Variants in SNX29 observed in about 807,000 individuals in gnomAD.
SNX29 encodes sorting nexin 29.
Under a neutral mutation model 102.1 loss-of-function variants are expected in SNX29, and 78 were observed. The ratio of observed to expected loss-of-function variants is 0.76; its 90% CI spans 0.64 to 0.92. The LOEUF (loss-of-function observed/expected upper bound fraction) is 0.92. Ranked by LOEUF, SNX29 falls within the 40% of genes least tolerant of loss-of-function variation. The pLI is 0.00. For synonymous variants in SNX29, 580 were observed against 414.5 expected, an observed-to-expected ratio of 1.40 and a Z score of -4.85; for missense variants, 1,280 against 1,061.7, an observed-to-expected ratio of 1.21 and a Z score of -2.86.
chr16:12,466,537 C>A (rs541296812), intron 18 of SNX29, among the ~76,000 whole-genome samples: 1 of 152,206 alleles, frequency 6.6e-6, no homozygotes, highest in African/African-American at 2.4e-5. Flanking sequence ...TGGCACCCCC[C>A]CTTCCAGAGT....
At chr16:12,360,174 G>C (rs942833794) in intron 16 of SNX29, among the ~76,000 whole-genome samples, 31 of 152,210 alleles carry the variant, frequency 2.0e-4, no homozygotes, top group Non-Finnish European at 2.9e-5. Context: ...TACCCAGTCA[G>C]TGTTCAATAT....
At chr16:12,294,589 T>A (rs975778587) in intron 15 of SNX29, among the ~76,000 whole-genome samples, 26 of 152,172 alleles carry the variant, frequency 1.7e-4, no homozygotes, top group African/African-American at 6.3e-4. Flanking sequence ...GCCATCATGG[T>A]TCCCTGTTAG....
intron 16 of SNX29, among the ~76,000 whole-genome samples, chr16:12,398,119 A>C (rs2083784411): frequency 6.6e-6 from 1 of 152,148 alleles, no homozygotes; most frequent in African/African-American, 2.4e-5. Context: ...TGCACATCTG[A>C]TAACTTGCAT....
chr16:12,267,826 A>G (rs2078973344), intron 14 of SNX29, among the ~76,000 whole-genome samples: 1 of 152,140 alleles, frequency 6.6e-6, no homozygotes, highest in Admixed American at 6.5e-5. Flanking sequence ...ACGTCCAATC[A>G]TCGCACTTCT....
At chr16:12,090,206 C>G (rs909799322) in intron 11 of SNX29, 5 of 152,704 alleles carry the variant, frequency 3.3e-5, no homozygotes, top group African/African-American at 9.6e-5. Flanking sequence ...GACATTCTCA[C>G]CGGCGTCTCA....
At chr16:12,554,192 C>G (rs895986418) in intron 20 of SNX29, among the ~76,000 whole-genome samples, 15 of 152,200 alleles carry the variant, frequency 9.9e-5, no homozygotes, top group African/African-American at 2.7e-4. Context: ...CTGGCTTAAA[C>G]CATTTGAACG....
intron 19 of SNX29, among the ~76,000 whole-genome samples, chr16:12,501,195 A>C (rs1018363947): frequency 6.6e-6 from 1 of 152,138 alleles, no homozygotes; most frequent in African/African-American, 2.4e-5. Flanking sequence ...TAAGATTTCA[A>C]AACCAGCCTG....
At chr16:12,273,484 G>A (rs921051530) in intron 14 of SNX29, among the ~76,000 whole-genome samples, 2 of 151,696 alleles carry the variant, frequency 1.3e-5, no homozygotes, top group African/African-American at 4.8e-5. Context: ...TCAGCCTCCC[G>A]AGTAGTTGGG....
At chr16:12,267,555 T>G (rs2078964864) in intron 14 of SNX29, among the ~76,000 whole-genome samples, 1 of 152,200 alleles carries the variant, frequency 6.6e-6, no homozygotes, top group African/African-American at 2.4e-5. Context: ...GATTTGTGTT[T>G]GTGCTGGAGC....
chr16:12,011,336 C>T (rs926389296), intron 3 of SNX29, among the ~76,000 whole-genome samples: 11 of 151,328 alleles, frequency 7.3e-5, no homozygotes, highest in African/African-American at 2.4e-4. Context: ...AGTGCAGTGG[C>T]GTGATCTTGG....
rs563549575 is a variant in SNX29, at chr16:12,043,173, C to T, written c.428+96C>T. The T allele has an allele frequency of 7.0e-5, 104 of 1,488,126 alleles. No individual in the cohort carries two copies. The African/African-American group carries it at 1.1e-3, about 16-fold the overall frequency. The allele number at this position is 1,488,126 out of a possible 1,614,324, so 92.2% of individuals were successfully genotyped here. A position where few individuals can be genotyped will look rare whatever the true frequency, so the allele number is the denominator to read the frequency against. On this transcript the variant is annotated intron_variant, in intron 5 of 20. Transcript: ENST00000566228. ...CACCTGGATTTTCATCCTAGTTCCC[C>T]GATCTGGGGGAAGTGGGCCTCCCTC... is the stretch of plus-strand genomic sequence containing the variant.
intron 16 of SNX29, among the ~76,000 whole-genome samples, chr16:12,383,594 G>A (rs893937903): frequency 6.6e-6 from 1 of 151,504 alleles, no homozygotes; most frequent in Non-Finnish European, 1.5e-5. Context: ...CCACCACCAC[G>A]CCCAGGTAAT....
chr16:12,322,264 C>G (rs1596902845), intron 15 of SNX29, among the ~76,000 whole-genome samples: 2 of 152,234 alleles, frequency 1.3e-5, no homozygotes, highest in Admixed American at 1.3e-4. Flanking sequence ...GTGTTCCACG[C>G]TGGAGCTGGG....
intron 14 of SNX29, among the ~76,000 whole-genome samples, chr16:12,276,287 T>G (rs983757165): frequency 6.6e-6 from 1 of 152,206 alleles, no homozygotes; most frequent in Non-Finnish European, 1.5e-5. Context: ...AGTTTTTCTT[T>G]CCATAACTGT....
At chr16:12,541,953 G>C (rs943219500) in intron 20 of SNX29, among the ~76,000 whole-genome samples, 2 of 152,180 alleles carry the variant, frequency 1.3e-5, no homozygotes, top group African/African-American at 4.8e-5. Flanking sequence ...ACAAGAGGAC[G>C]CTGGATCCAC....
intron 15 of SNX29, among the ~76,000 whole-genome samples, chr16:12,284,009 T>C (rs1052569165): frequency 6.6e-6 from 1 of 152,258 alleles, no homozygotes; most frequent in Non-Finnish European, 1.5e-5. Context: ...AGATAAGATA[T>C]TGGACACATC....
intron 11 of SNX29, among the ~76,000 whole-genome samples, chr16:12,115,894 A>T (rs1434475844): frequency 6.6e-6 from 1 of 152,220 alleles, no homozygotes; most frequent in African/African-American, 2.4e-5. Context: ...GCACCCCGCA[A>T]GAGGAGTATT....
intron 20 of SNX29, among the ~76,000 whole-genome samples, chr16:12,561,973 T>G (rs2078750069): frequency 6.6e-6 from 1 of 151,990 alleles, no homozygotes. Flanking sequence ...GTCCCCAGAG[T>G]GTCTACCAGC....
chr16:12,217,451 T>C (rs2077354059), intron 14 of SNX29, among the ~76,000 whole-genome samples: 1 of 152,322 alleles, frequency 6.6e-6, no homozygotes, highest in Middle Eastern at 3.4e-3. Context: ...ATGTGAAATA[T>C]GGTCTCTACT....
Sources: gnomAD v4.1 joint callset for allele counts (sites outside exome capture counted in the v4.1 genomes callset) on GRCh38, gnomAD v4.1.1 for gene constraint, MANE v1.5 for transcripts, NCBI Gene and HGNC (gene_info 2026-07-23, HGNC 2026-07-21) for gene names.